Variants in MAMDC2 observed in about 807,000 individuals in gnomAD.
MAMDC2 encodes MAM domain containing 2, also known as MAM domain-containing protein 2.
MAMDC2 carries 57 observed loss-of-function variants against 89.8 expected under a neutral mutation model. The ratio of observed to expected loss-of-function variants is 0.63; its 90% CI spans 0.51 to 0.79. MAMDC2 has a LOEUF of 0.79. Ranked by LOEUF, MAMDC2 falls within the 30% of genes least tolerant of loss-of-function variation. MAMDC2 has a pLI of 0.00. For missense variants in MAMDC2, 800 were observed against 820.6 expected, an observed-to-expected ratio of 0.97 and a Z score of 0.31; for synonymous variants, 313 against 293.4, an observed-to-expected ratio of 1.07 and a Z score of -0.68.
intron 12 of MAMDC2, among the ~76,000 whole-genome samples, chr9:70,223,455 A>G (rs1197806653): frequency 1.3e-5 from 2 of 152,200 alleles, no homozygotes; most frequent in East Asian, 1.9e-4. Flanking sequence ...TATGTTCCAC[A>G]TTGATTTCTA....
chr9:70,139,505 T>C (rs2031128234), intron 7 of MAMDC2, among the ~76,000 whole-genome samples: 1 of 151,950 alleles, frequency 6.6e-6, no homozygotes, highest in African/African-American at 2.4e-5. Context: ...CACATTTTCT[T>C]AATCCAGTCT....
rs889144885 is a variant in MAMDC2, at chr9:70,204,915, C to T, written c.1652-13422C>T. ...GGCAATGCCCCGCCCTGCTTCAGCTCGCGCATGGTGCGCACACCCACTGGC... is the reference window on the plus strand; with the variant it reads ...GGCAATGCCCCGCCCTGCTTCAGCTTGCGCATGGTGCGCACACCCACTGGC... On this transcript the variant is annotated intron_variant, in intron 11 of 13. Coordinates refer to ENST00000377182, the MANE Select transcript of MAMDC2 (RefSeq NM_153267.5). 2.6e-5 allele frequency among the ~76,000 whole-genome samples: 4 copies of T among 152,314 alleles called. No individual in the cohort carries two copies. The East Asian group carries it at 5.8e-4, about 22-fold the overall frequency.
At chr9:70,053,197 C>A (rs1826951200) in intron 2 of MAMDC2, among the ~76,000 whole-genome samples, 1 of 152,186 alleles carries the variant, frequency 6.6e-6, no homozygotes, top group Non-Finnish European at 1.5e-5. Context: ...ATGGAGAAAG[C>A]AGAGGATCAG....
At chr9:70,070,662 T>A (rs958497950) in intron 2 of MAMDC2, among the ~76,000 whole-genome samples, 2 of 152,212 alleles carry the variant, frequency 1.3e-5, no homozygotes, top group Admixed American at 6.5e-5. Flanking sequence ...TGATATAGTC[T>A]TGTGGCCTGC....
intron 11 of MAMDC2, among the ~76,000 whole-genome samples, chr9:70,188,394 TTATTC>T (rs1291322000): frequency 2.2e-4 from 33 of 151,150 alleles, no homozygotes; most frequent in Non-Finnish European, 2.8e-4. Flanking sequence ...TTTTGTTCCT[TTATTC>T]TATTACTGTT....
intron 2 of MAMDC2, chr9:70,062,517 T>C (rs970209759): frequency 1.3e-5 from 2 of 152,236 alleles, no homozygotes; most frequent in Admixed American, 1.3e-4. Flanking sequence ...AGGTCTAATT[T>C]GCTTCCATTT....
rs539935724 is a variant in MAMDC2, at chr9:70,043,890, G to A, written c.-308G>A. ...CCAGTCGTGGCTGGCCTTTCAAAGT[G>A]TGCAGTTGTCTCCTCCCTGTCCAGC... On this transcript the variant is annotated 5_prime_UTR_variant, in exon 1 of 14. In the 5' UTR this introduces an upstream ATG that the reference lacks. Coordinates refer to ENST00000377182, the MANE Select transcript of MAMDC2 (RefSeq NM_153267.5). 493 of 513,218 alleles carry A rather than the reference G, an allele frequency of 9.6e-4. 1 individual carries two copies. Among genetic ancestry groups the A allele is most frequent in the Non-Finnish European group, 1.5e-3 (423 of 286,712 alleles). 31.8% of individuals were successfully genotyped at this position (513,218 alleles called of 1,614,324 possible). A position where few individuals can be genotyped will look rare whatever the true frequency, so the allele number is the denominator to read the frequency against.
chr9:70,185,210 G>A (rs185164778), intron 11 of MAMDC2, among the ~76,000 whole-genome samples: 4 of 152,306 alleles, frequency 2.6e-5, no homozygotes, highest in Admixed American at 6.5e-5. Context: ...CATCATTGGA[G>A]GCAGCAGAAC....
At chr9:70,223,132 C>CAAAAAA (rs57177475) in intron 12 of MAMDC2, among the ~76,000 whole-genome samples, 2 of 119,066 alleles carry the variant, frequency 1.7e-5, no homozygotes, top group African/African-American at 3.5e-5. Flanking sequence ...GACTCTGTCT[C>CAAAAAA]AAAAAAAAAA....
chr9:70,183,496 T>C (rs535418999), intron 11 of MAMDC2, among the ~76,000 whole-genome samples: 1 of 152,322 alleles, frequency 6.6e-6, no homozygotes, highest in East Asian at 1.9e-4. Context: ...TTTGTATGTC[T>C]TTAGGAACTT....
At chr9:70,074,818 C>T (rs984192335) in intron 2 of MAMDC2, among the ~76,000 whole-genome samples, 1 of 152,214 alleles carries the variant, frequency 6.6e-6, no homozygotes, top group Non-Finnish European at 1.5e-5. Context: ...CTGTTAACAG[C>T]ACCCTTTTCC....
At chr9:70,090,316 T>C (rs1404459000) in intron 2 of MAMDC2, among the ~76,000 whole-genome samples, 1 of 151,884 alleles carries the variant, frequency 6.6e-6, no homozygotes, top group Non-Finnish European at 1.5e-5. Flanking sequence ...TTAAAATTTC[T>C]CTACAAAAAG....
chr9:70,207,556 A>G (rs1012813268), intron 11 of MAMDC2, among the ~76,000 whole-genome samples: 4 of 152,162 alleles, frequency 2.6e-5, no homozygotes, highest in Non-Finnish European at 5.9e-5. Flanking sequence ...GGAAGATTGT[A>G]AAAATTTTCT....
intron 11 of MAMDC2, among the ~76,000 whole-genome samples, chr9:70,202,114 C>T (rs2118635612): frequency 6.6e-6 from 1 of 151,936 alleles, no homozygotes; most frequent in Middle Eastern, 3.4e-3. Context: ...TGTGTTTGCT[C>T]TTGCTTTTCT....
chr9:70,121,276 G>T (rs1366660155), intron 5 of MAMDC2, among the ~76,000 whole-genome samples: 1 of 152,214 alleles, frequency 6.6e-6, no homozygotes, highest in Admixed American at 6.5e-5. Flanking sequence ...GCTGCTGCAA[G>T]AAAGGAACAG....
chr9:70,052,616 T>G (rs922395301), intron 2 of MAMDC2, among the ~76,000 whole-genome samples: 24 of 152,208 alleles, frequency 1.6e-4, no homozygotes, highest in African/African-American at 5.8e-4. Context: ...CATCAGACTG[T>G]TATGTCTCTG....
At chr9:70,099,815 A>G (rs1828118045) in intron 2 of MAMDC2, among the ~76,000 whole-genome samples, 1 of 152,078 alleles carries the variant, frequency 6.6e-6, no homozygotes, top group Admixed American at 6.5e-5. Flanking sequence ...TCTCTACTAA[A>G]AACACAAAAA....
intron 2 of MAMDC2, among the ~76,000 whole-genome samples, chr9:70,100,677 G>C (rs781528201): frequency 1.3e-5 from 2 of 152,216 alleles, no homozygotes; most frequent in Non-Finnish European, 2.9e-5. Context: ...GCTTAGCTGT[G>C]AGGAGGGAGA....
At position 70,044,620 on chromosome 9, in the gene MAMDC2, G is replaced by C. The variant is rs1275233188; in HGVS notation, c.71G>C (p.Gly24Ala). ...QLAGALDLPA[G>A]SCAFEESTCG... Reference sequence around the variant, plus strand: ...GCCGGTGCCCTCGACCTGCCCGCTGGGTCCTGTGCCTTTGAAGAGAGCACT... The same window carrying C: ...GCCGGTGCCCTCGACCTGCCCGCTGCGTCCTGTGCCTTTGAAGAGAGCACT... Residue 24 changes from glycine to alanine, a missense_variant, in exon 2 of 14, where the codon GGG becomes GCG. Transcript: ENST00000377182. The C allele has an allele frequency of 9.7e-6, 15 of 1,551,066 alleles. No individual in the cohort carries two copies. The highest frequency in any genetic ancestry group is 1.3e-5 in the Non-Finnish European group (15 of 1,146,956).
Sources: gnomAD v4.1 joint callset for allele counts (sites outside exome capture counted in the v4.1 genomes callset) on GRCh38, gnomAD v4.1.1 for gene constraint, MANE v1.5 for transcripts, NCBI Gene and HGNC (gene_info 2026-07-23, HGNC 2026-07-21) for gene names.